The following BMERB1 variants were observed in gnomAD, a reference collection of about 807,000 sequenced individuals.
The protein encoded by BMERB1 is bMERB domain containing 1.
BMERB1 carries 12 observed loss-of-function variants against 23.6 expected under a neutral mutation model. That is an observed-to-expected ratio of 0.51 (90% confidence interval 0.33 to 0.82). BMERB1 has a LOEUF of 0.82. Among genes scored for constraint, BMERB1 ranks in the 40% least tolerant of loss-of-function variants. The pLI is 0.03. For missense variants in BMERB1, 247 were observed against 255.4 expected (o/e 0.97, Z 0.22); for synonymous variants, 122 against 96.6 (o/e 1.26, Z -1.54).
chr16:15,532,709 C>G (rs957811981), intron 2 of BMERB1, among the ~76,000 whole-genome samples: 5 of 151,864 alleles, frequency 3.3e-5, no homozygotes, highest in African/African-American at 1.2e-4. Flanking sequence ...CCATGCCCGG[C>G]TAATTTTTTG....
At chr16:15,547,035 CAG>C (rs1031375773) in intron 2 of BMERB1, among the ~76,000 whole-genome samples, 7 of 137,030 alleles carry the variant, frequency 5.1e-5, no homozygotes, top group Non-Finnish European at 9.1e-5. Context: ...TTTTTTGAGA[CAG>C]AGTCTCGCTC....
intron 2 of BMERB1, among the ~76,000 whole-genome samples, chr16:15,527,539 A>T (rs1324811660): frequency 6.6e-6 from 1 of 152,162 alleles, no homozygotes; most frequent in Non-Finnish European, 1.5e-5. Flanking sequence ...CTGGAGGCAG[A>T]GGTTGCAGTG....
chr16:15,519,050 C>G (rs1316570070), intron 2 of BMERB1, among the ~76,000 whole-genome samples: 1 of 145,800 alleles, frequency 6.9e-6, no homozygotes, highest in Non-Finnish European at 1.5e-5. Flanking sequence ...CTTTCTCACT[C>G]CATCCTTACC....
At chr16:15,463,902 A>T (rs975899141) in intron 1 of BMERB1, among the ~76,000 whole-genome samples, 1 of 152,070 alleles carries the variant, frequency 6.6e-6, no homozygotes, top group African/African-American at 2.4e-5. Flanking sequence ...CTTGAAGCAT[A>T]AAACTATTAC....
chr16:15,539,543 T>C (rs1330418938), intron 2 of BMERB1, among the ~76,000 whole-genome samples: 1 of 152,022 alleles, frequency 6.6e-6, no homozygotes, highest in Non-Finnish European at 1.5e-5. Context: ...AGGAAAACAT[T>C]AATTAAGAAT....
chr16:15,566,824 T>A (rs1017234764), intron 2 of BMERB1, among the ~76,000 whole-genome samples: 2 of 152,058 alleles, frequency 1.3e-5, no homozygotes, highest in African/African-American at 4.8e-5. Context: ...AAAAGCAAAT[T>A]GCAAAAAATT....
intron 2 of BMERB1, among the ~76,000 whole-genome samples, chr16:15,565,980 T>A (rs1402805973): frequency 6.6e-6 from 1 of 152,210 alleles, no homozygotes; most frequent in African/African-American, 2.4e-5. Flanking sequence ...GTGATTCCAC[T>A]TCTGAGAATC....
chr16:15,529,717 G>A (rs1407342210), intron 2 of BMERB1, among the ~76,000 whole-genome samples: 1 of 152,002 alleles, frequency 6.6e-6, no homozygotes, highest in Admixed American at 6.6e-5. Context: ...CTTCTCCCAC[G>A]GTCACATAAT....
In BMERB1 at chr16:15,488,669, T is replaced by TAA. The variant is rs35263139; in HGVS notation, c.107-26621_107-26620dup. Among the ~76,000 whole-genome samples, 558 of 132,804 alleles carry TAA rather than the reference T, an allele frequency of 4.2e-3. 7 individuals carry two copies. Among genetic ancestry groups the TAA allele is most frequent in the African/African-American group, 0.013 (463 of 35,774 alleles). The allele number at this position is 132,804 out of a possible 152,430, so 87.1% of individuals were successfully genotyped here. A position where few individuals can be genotyped will look rare whatever the true frequency, so the allele number is the denominator to read the frequency against. The stretch of plus-strand genomic sequence containing the variant: ...TAACACAGTGAAACCCCATCTCTAC[T>TAA]AAAAAAAAAAAAAAAATACAAAAAT... On this transcript the variant is annotated intron_variant, in intron 1 of 5. Transcript: ENST00000300006.
At chr16:15,543,422 T>C (rs796156659) in intron 2 of BMERB1, among the ~76,000 whole-genome samples, 13 of 152,048 alleles carry the variant, frequency 8.5e-5, no homozygotes, top group African/African-American at 3.1e-4. Context: ...GGCTTGAGGG[T>C]GGAGCCCTCA....
In BMERB1 at chr16:15,491,847, A is replaced by C. The variant is rs535654070; in HGVS notation, c.107-23458A>C. Among the ~76,000 whole-genome samples the C allele has an allele frequency of 1.2e-3, 186 of 152,320 alleles. 1 individual carries two copies. The highest frequency in any genetic ancestry group is 2.5e-3 in the South Asian group (12 of 4,828). The stretch of plus-strand genomic sequence containing the variant: ...GCTATCTGGAGGAGTCCCCGGGATC[A>C]ATCACTGTCTACCCCCGTAATGGCA... On this transcript the variant is annotated intron_variant, in intron 1 of 5. Transcript: ENST00000300006.
intron 1 of BMERB1, 120 bp from the exon 2 acceptor site, chr16:15,515,185 A>G: frequency 7.2e-7 from 1 of 1,380,900 alleles, no homozygotes; most frequent in South Asian, 1.3e-5. Context: ...CACAGGCTGA[A>G]GTCTGTCCTC....
intron 1 of BMERB1, among the ~76,000 whole-genome samples, chr16:15,438,288 T>C (rs1277030891): frequency 6.6e-6 from 1 of 151,666 alleles, no homozygotes; most frequent in Non-Finnish European, 1.5e-5. Flanking sequence ...GTTTTCACTA[T>C]GTTGGCCAGG....
chr16:15,434,621 G>C lies in BMERB1; in HGVS notation c.-33G>C, dbSNP rs771961072. 108 of 1,587,692 alleles carry C rather than the reference G, an allele frequency of 6.8e-5. No homozygotes were observed. The highest frequency in any genetic ancestry group is 3.5e-6 in the Non-Finnish European group (4 of 1,156,250). On this transcript the variant is annotated 5_prime_UTR_variant, in exon 1 of 6. Coordinates refer to ENST00000300006, the MANE Select transcript of BMERB1 (RefSeq NM_033201.3). Reference sequence around the variant, plus strand: ...AGCCCGCAACGGGAATGGAGTAAAGGGAGACCCGTCGACCTGGCCACGGGG... The same window carrying C: ...AGCCCGCAACGGGAATGGAGTAAAGCGAGACCCGTCGACCTGGCCACGGGG...
At chr16:15,552,568 G>T (rs1471221740) in intron 2 of BMERB1, among the ~76,000 whole-genome samples, 1 of 152,228 alleles carries the variant, frequency 6.6e-6, no homozygotes, top group South Asian at 2.1e-4. Flanking sequence ...GTGAGCAGGT[G>T]CAGGAAATCT....
intron 2 of BMERB1, among the ~76,000 whole-genome samples, chr16:15,553,709 C>T (rs1246250293): frequency 6.6e-6 from 1 of 152,134 alleles, no homozygotes; most frequent in Non-Finnish European, 1.5e-5. Flanking sequence ...ATTCTTAGTT[C>T]GTGAGTTGTA....
chr16:15,501,316 T>A, intron 1 of BMERB1, among the ~76,000 whole-genome samples: 1 of 117,506 alleles, frequency 8.5e-6, no homozygotes, highest in Non-Finnish European at 1.7e-5. Context: ...TTTTTTGAGA[T>A]GGAGTCCGTT....
intron 1 of BMERB1, among the ~76,000 whole-genome samples, chr16:15,496,149 GAC>G (rs1490779617): frequency 1.3e-5 from 2 of 150,132 alleles, no homozygotes; most frequent in African/African-American, 5.1e-5. Context: ...TGGTGACGAT[GAC>G]AGTGATGTGC....
chr16:15,498,004 C>T (rs1277525427), intron 1 of BMERB1, among the ~76,000 whole-genome samples: 2 of 152,088 alleles, frequency 1.3e-5, no homozygotes. Context: ...TGTGTGAATC[C>T]CCTCACTTAA....
Sources: allele counts gnomAD v4.1 joint callset (sites outside exome capture counted in the v4.1 genomes callset), GRCh38; gene constraint gnomAD v4.1.1; transcripts MANE v1.5; gene names NCBI Gene and HGNC (gene_info 2026-07-23, HGNC 2026-07-21).